The following PCDH7 variants were observed in gnomAD, a reference collection of about 807,000 sequenced individuals.
PCDH7 encodes protocadherin-7.
In PCDH7, 17 loss-of-function variants were observed where a neutral mutation model predicts 58.9. The ratio of observed to expected loss-of-function variants is 0.29; its 90% CI spans 0.20 to 0.43. The LOEUF (loss-of-function observed/expected upper bound fraction) is 0.43, where lower values mean the gene tolerates loss of function less well. PCDH7 is among the 20% of genes least tolerant of loss of function. The pLI, the probability that PCDH7 is intolerant of heterozygous loss-of-function variation, is 1.00. For synonymous variants in PCDH7, 664 were observed against 616.4 expected, an observed-to-expected ratio of 1.08 and a Z score of -1.14; for missense variants, 1,274 against 1,441.0, an observed-to-expected ratio of 0.88 and a Z score of 1.88.
chr4:30,966,279 T>C (rs1338610146), intron 3 of PCDH7, among the ~76,000 whole-genome samples: 1 of 152,178 alleles, frequency 6.6e-6, no homozygotes, highest in African/African-American at 2.4e-5. Flanking sequence ...CATTTCAACT[T>C]TGAGTCACAC....
intron 3 of PCDH7, among the ~76,000 whole-genome samples, chr4:31,067,068 C>G (rs2109246585): frequency 6.6e-6 from 1 of 151,976 alleles, no homozygotes; most frequent in South Asian, 2.1e-4. Flanking sequence ...GTCACAAGCC[C>G]AAGTTTTAGT....
At chr4:30,969,115 A>C (rs1749311566) in intron 3 of PCDH7, among the ~76,000 whole-genome samples, 1 of 152,202 alleles carries the variant, frequency 6.6e-6, no homozygotes, top group African/African-American at 2.4e-5. Context: ...CTCCTGAGAC[A>C]GGGCTGTTTT....
chr4:30,730,424 TA>T (rs896824802), intron 1 of PCDH7, among the ~76,000 whole-genome samples: 10 of 152,180 alleles, frequency 6.6e-5, no homozygotes, highest in African/African-American at 2.4e-4. Context: ...CTGAAACCAC[TA>T]AAACTAATCT....
In PCDH7 at chr4:30,724,285, G is replaced by T; in HGVS notation, c.2863G>T (p.Glu955Ter). Residue 955 changes from glutamate to a stop codon, truncating the protein, a stop_gained, in exon 1 of 2, where the codon GAG (glutamate) becomes TAG (stop). Transcript: ENST00000361762. LOFTEE classifies it high-confidence loss of function. ...TCTCTACAGCAGCATTGTCACTGTG[G>T]AGGCTTCTAAGCCAAATGGACAGAG... 6.2e-7 allele frequency: 1 copy of T among 1,613,628 alleles called. No individual in the cohort carries two copies. The highest frequency in any genetic ancestry group is 1.6e-4 in the Middle Eastern group (1 of 6,062).
chr4:31,109,209 C>T (rs1715979051), intron 3 of PCDH7, among the ~76,000 whole-genome samples: 1 of 152,074 alleles, frequency 6.6e-6, no homozygotes, highest in South Asian at 2.1e-4. Flanking sequence ...ACAGACTCTA[C>T]CATGTGAGGG....
intron 3 of PCDH7, among the ~76,000 whole-genome samples, chr4:31,093,784 G>A (rs78769468): frequency 0.14 from 20,756 of 151,990 alleles, 1,635 homozygotes; most frequent in South Asian, 0.2. Context: ...GAGCCAAAGC[G>A]TCACTTCTTT....
At chr4:31,139,147 G>A (rs771108103) in intron 3 of PCDH7, among the ~76,000 whole-genome samples, 41 of 152,102 alleles carry the variant, frequency 2.7e-4, no homozygotes, top group Non-Finnish European at 5.4e-4. Context: ...GGATTTGATG[G>A]ATACCATTTT....
At chr4:31,114,942 C>T (rs1716813500) in intron 3 of PCDH7, among the ~76,000 whole-genome samples, 1 of 152,152 alleles carries the variant, frequency 6.6e-6, no homozygotes, top group African/African-American at 2.4e-5. Context: ...ATGCTTCATT[C>T]TTTTTCTCCC....
intron 3 of PCDH7, among the ~76,000 whole-genome samples, chr4:30,972,417 G>C (rs1041451863): frequency 6.6e-6 from 1 of 152,060 alleles, no homozygotes; most frequent in Non-Finnish European, 1.5e-5. Flanking sequence ...TTAAGACAAA[G>C]GTTATAAATG....
intron 2 of PCDH7, among the ~76,000 whole-genome samples, chr4:30,922,122 A>G (rs2109416755): frequency 6.6e-6 from 1 of 151,684 alleles, no homozygotes; most frequent in South Asian, 2.1e-4. Context: ...ACGTGTAATT[A>G]CGTATGTGTG....
rs768259538 is a variant in PCDH7, at chr4:30,721,402, T to TAGCAGC, written c.-12_-7dup. ...AGGGGGCTGTGGTTAGAAGGAGCAG[T>TAGCAGC]AGCAGCAGCAGCAGGAGAAGATGCT... On this transcript the variant is annotated 5_prime_UTR_variant, in exon 1 of 2. Transcript: ENST00000361762. The surrounding 1 kb of genome is among the most constrained non-coding windows in gnomAD (Gnocchi z 6.7). 2 of 1,472,256 alleles carry TAGCAGC rather than the reference T, an allele frequency of 1.4e-6. No homozygotes were observed. Among genetic ancestry groups the TAGCAGC allele is most frequent in the Admixed American group, 2.4e-5 (1 of 42,492 alleles). The allele number at this position is 1,472,256 out of a possible 1,614,324, so 91.2% of individuals were successfully genotyped here. A position where few individuals can be genotyped will look rare whatever the true frequency, so the allele number is the denominator to read the frequency against.
intron 1 of PCDH7, among the ~76,000 whole-genome samples, chr4:30,877,000 G>T (rs368034226): frequency 5.3e-5 from 8 of 151,794 alleles, no homozygotes; most frequent in Non-Finnish European, 8.8e-5. Flanking sequence ...AATATCTCCC[G>T]CACAGTCCCT....
chr4:30,934,107 C>T (rs1318105319), intron 2 of PCDH7, among the ~76,000 whole-genome samples: 3 of 152,186 alleles, frequency 2.0e-5, no homozygotes, highest in African/African-American at 7.2e-5. Flanking sequence ...GTTTCCTGGA[C>T]AACATTGGTC....
rs540045086 is a variant in PCDH7, at chr4:31,059,809, A to C, written c.*8-82664A>C. 3.9e-5 allele frequency among the ~76,000 whole-genome samples: 6 copies of C among 151,918 alleles called. No homozygotes were observed. In the East Asian group the frequency reaches 1.2e-3, roughly 29 times the overall value. On this transcript the variant is annotated intron_variant, in intron 3 of 3. Coordinates refer to the PCDH7 transcript ENST00000509759. ...TCTCCATTGATTTATATGTATGTAT[A>C]ATTGAAGCATTATACATATTTACTA...
At chr4:30,951,220 G>A (rs1181661260) in intron 3 of PCDH7, among the ~76,000 whole-genome samples, 3 of 152,102 alleles carry the variant, frequency 2.0e-5, no homozygotes, top group African/African-American at 7.2e-5. Flanking sequence ...ACTTGTCTGT[G>A]TACATAAACA....
chr4:30,992,912 C>T lies in PCDH7; in HGVS notation c.*7+42697C>T, dbSNP rs183526385. On this transcript the variant is annotated intron_variant, in intron 3 of 3. Transcript: ENST00000509759. Reference sequence around the variant, plus strand: ...CTCCTGGGTTCAAGTGATTCTCCTGCCTCAGCCTCCTGAGTAGCTGGGATT... The same window carrying T: ...CTCCTGGGTTCAAGTGATTCTCCTGTCTCAGCCTCCTGAGTAGCTGGGATT... 3.7e-3 allele frequency among the ~76,000 whole-genome samples: 558 copies of T among 151,194 alleles called. 3 individuals carry two copies. Among genetic ancestry groups the T allele is most frequent in the African/African-American group, 0.013 (535 of 41,130 alleles).
chr4:30,959,930 A>G (rs1748220483), intron 3 of PCDH7, among the ~76,000 whole-genome samples: 1 of 152,052 alleles, frequency 6.6e-6, no homozygotes. Flanking sequence ...GGGAGAGCCA[A>G]GCACTTACAC....
At chr4:30,907,857 C>A (rs973670121) in intron 1 of PCDH7, among the ~76,000 whole-genome samples, 2 of 152,120 alleles carry the variant, frequency 1.3e-5, no homozygotes, top group Non-Finnish European at 2.9e-5. Flanking sequence ...ATCCAAATGT[C>A]CAGCAATGAT....
intron 3 of PCDH7, among the ~76,000 whole-genome samples, chr4:31,001,844 C>A (rs1752385380): frequency 6.6e-6 from 1 of 152,112 alleles, no homozygotes; most frequent in Non-Finnish European, 1.5e-5. Context: ...AAATTATTTA[C>A]CCCTACTTCT....
Sources: allele counts gnomAD v4.1 joint callset (sites outside exome capture counted in the v4.1 genomes callset), GRCh38; gene constraint gnomAD v4.1.1; non-coding constraint Gnocchi (gnomAD v3.1); transcripts MANE v1.5; gene names NCBI Gene and HGNC (gene_info 2026-07-23, HGNC 2026-07-21).